RORA: variants seen among roughly 807,000 people sequenced by gnomAD.
RORA encodes nuclear receptor ROR-alpha.
A neutral mutation model predicts 69.5 loss-of-function variants in RORA; 7 were observed. The ratio of observed to expected loss-of-function variants is 0.10; its 90% CI spans 0.06 to 0.19. RORA has a LOEUF of 0.19. Ranked by LOEUF, RORA falls within the 10% of genes least tolerant of loss-of-function variation. The pLI, the probability that RORA is intolerant of heterozygous loss-of-function variation, is 1.00. For missense variants in RORA, 457 were observed against 663.0 expected (o/e 0.69, Z 3.41); for synonymous variants, 261 against 240.8 (o/e 1.08, Z -0.78).
At chr15:61,019,486 T>A (rs1380630047) in intron 1 of RORA, among the ~76,000 whole-genome samples, 1 of 152,210 alleles carries the variant, frequency 6.6e-6, no homozygotes, top group African/African-American at 2.4e-5. Flanking sequence ...TTAACCAGGC[T>A]TGCACCTCAA....
intron 2 of RORA, among the ~76,000 whole-genome samples, chr15:60,637,431 T>A (rs2069861139): frequency 6.6e-6 from 1 of 152,194 alleles, no homozygotes; most frequent in African/African-American, 2.4e-5. Context: ...ACAAAAATTT[T>A]ATTTTTCTCT....
At position 60,925,411 on chromosome 15, in the gene RORA, T is replaced by C. The variant is rs906249197; in HGVS notation, c.167-246725A>G. ...GACCAGTAAGACCAGCCAAGAGATG[T>C]TGAGTTACACATATTGTTTGGGGCC... On this transcript the variant is annotated intron_variant, in intron 1 of 10. Transcript: ENST00000335670. Among the ~76,000 whole-genome samples, 4 of 152,208 alleles carry C rather than the reference T, an allele frequency of 2.6e-5. No individual in the cohort carries two copies. The East Asian group carries it at 5.8e-4, about 22-fold the overall frequency.
At chr15:60,608,596 A>G (rs917467772) in intron 2 of RORA, among the ~76,000 whole-genome samples, 4 of 152,180 alleles carry the variant, frequency 2.6e-5, no homozygotes, top group Non-Finnish European at 5.9e-5. Context: ...TGAAGAGTTT[A>G]TATTTTGAGA....
At chr15:61,019,785 T>A (rs1335384344) in intron 1 of RORA, among the ~76,000 whole-genome samples, 2 of 152,148 alleles carry the variant, frequency 1.3e-5, no homozygotes, top group Non-Finnish European at 2.9e-5. Flanking sequence ...CCTGATGGGG[T>A]TCCTGATGTC....
chr15:60,875,852 G>T (rs1442774406), intron 1 of RORA, among the ~76,000 whole-genome samples: 1 of 152,124 alleles, frequency 6.6e-6, no homozygotes, highest in African/African-American at 2.4e-5. Context: ...GAACCAGAAC[G>T]CCTGCAGGAG....
At chr15:60,603,599 T>C (rs966371996) in intron 2 of RORA, among the ~76,000 whole-genome samples, 2 of 152,250 alleles carry the variant, frequency 1.3e-5, no homozygotes, top group African/African-American at 2.4e-5. Context: ...AACTGATCAA[T>C]ACCTAACTTT....
chr15:61,014,145 A>C (rs1895198923), intron 1 of RORA, among the ~76,000 whole-genome samples: 1 of 152,202 alleles, frequency 6.6e-6, no homozygotes, highest in Admixed American at 6.5e-5. Flanking sequence ...ATACAGCAGG[A>C]TCCAAAACCA....
rs1214624353 is a variant in RORA, at chr15:60,511,527, C to G, written c.519G>C (p.Gln173His). ...GCGGCTCAGCCTCTCCAGGCTGCTG[C>G]TGGTGGTCGCGCTGCTGCTGCTGCA... Reference protein sequence around the residue: ...HRMQQQQRDHQQQPGEAEPLT... With the variant: ...HRMQQQQRDHHQQPGEAEPLT... The change falls in exon 5 of 11, where the codon CAG becomes CAC. Residue 173 changes from glutamine (Q) to histidine (H), a missense_variant. Transcript: ENST00000335670. This position sits in a 1 kb window ranked among gnomAD's most constrained non-coding sequence, Gnocchi z 6.4. 6.2e-7 allele frequency: 1 copy of G among 1,614,178 alleles called. No homozygotes were observed. Among genetic ancestry groups the G allele is most frequent in the Non-Finnish European group, 8.5e-7 (1 of 1,180,018 alleles).
chr15:60,509,153 G>A (rs1440495020), intron 5 of RORA, among the ~76,000 whole-genome samples: 1 of 152,210 alleles, frequency 6.6e-6, no homozygotes, highest in Non-Finnish European at 1.5e-5. Context: ...GGAAATTTAA[G>A]TAGCTTTGGA....
At chr15:60,550,872 TAAAG>T (rs1425047982) in intron 2 of RORA, among the ~76,000 whole-genome samples, 2 of 152,180 alleles carry the variant, frequency 1.3e-5, no homozygotes, top group Admixed American at 6.5e-5. Context: ...TTACCACAAT[TAAAG>T]AAAACAAAAA....
chr15:60,674,510 G>A (rs544345182), intron 2 of RORA, among the ~76,000 whole-genome samples: 1 of 152,238 alleles, frequency 6.6e-6, no homozygotes, highest in South Asian at 2.1e-4. Flanking sequence ...TTAAATGATT[G>A]CAATAAACAC....
rs1421342615 is a variant in RORA at position 61,226,450 on chromosome 15, G to C, written c.166+2603C>G. 6.6e-6 allele frequency among the ~76,000 whole-genome samples: 1 copy of C among 152,114 alleles called. No individual in the cohort carries two copies. Among genetic ancestry groups the C allele is most frequent in the Non-Finnish European group, 1.5e-5 (1 of 68,020 alleles). On this transcript the variant is annotated intron_variant, in intron 1 of 10. Coordinates refer to ENST00000335670, the MANE Select transcript of RORA (RefSeq NM_134261.3). The surrounding 1 kb of genome is among the most constrained non-coding windows in gnomAD (Gnocchi z 4.2). ...TGTAATTTATGCAACATTAATACTG[G>C]ATGCCAGCTCCAATTTTCTTACTGC... is the stretch of plus-strand genomic sequence containing the variant.
intron 1 of RORA, among the ~76,000 whole-genome samples, chr15:61,162,726 A>G (rs745809397): frequency 2.6e-5 from 4 of 152,224 alleles, no homozygotes; most frequent in Non-Finnish European, 5.9e-5. Context: ...AAAAGAGCCG[A>G]GACCATAAAT....
intron 1 of RORA, among the ~76,000 whole-genome samples, chr15:60,897,483 A>G (rs776134935): frequency 5.9e-5 from 9 of 152,208 alleles, no homozygotes; most frequent in Non-Finnish European, 1.0e-4. Flanking sequence ...GCATGAACCA[A>G]TGACCTCAGT....
At chr15:60,998,313 A>T (rs1894627794) in intron 1 of RORA, among the ~76,000 whole-genome samples, 1 of 151,930 alleles carries the variant, frequency 6.6e-6, no homozygotes, top group Middle Eastern at 3.2e-3. Flanking sequence ...ACAGGCATGT[A>T]ATACCACACC....
intron 1 of RORA, among the ~76,000 whole-genome samples, chr15:60,799,463 G>A (rs1595723727): frequency 6.6e-6 from 1 of 152,208 alleles, no homozygotes; most frequent in Admixed American, 6.5e-5. Flanking sequence ...GGCTGTTGCT[G>A]TCTGGCACGT....
intron 1 of RORA, among the ~76,000 whole-genome samples, chr15:60,920,149 G>A (rs1163226834): frequency 6.6e-6 from 1 of 152,280 alleles, no homozygotes. Context: ...AGGACTTGGA[G>A]GCAGAAAAGA....
At chr15:60,955,883 C>T (rs143615296) in intron 1 of RORA, among the ~76,000 whole-genome samples, 104 of 152,164 alleles carry the variant, frequency 6.8e-4, no homozygotes, top group African/African-American at 2.3e-3. Flanking sequence ...ACTTTATAGA[C>T]GTATATTCTG....
intron 1 of RORA, among the ~76,000 whole-genome samples, chr15:61,071,220 GGGGAA>G (rs1208076244): frequency 1.7e-5 from 1 of 58,420 alleles, no homozygotes; most frequent in Non-Finnish European, 3.2e-5. Context: ...AAAAAGGGGA[GGGGAA>G]GGGAAGGGAG....
Sources: allele counts gnomAD v4.1 joint callset (sites outside exome capture counted in the v4.1 genomes callset), GRCh38; gene constraint gnomAD v4.1.1; non-coding constraint Gnocchi (gnomAD v3.1); transcripts MANE v1.5; gene names NCBI Gene and HGNC (gene_info 2026-07-23, HGNC 2026-07-21).